CACNA2D4: variants seen among roughly 807,000 people sequenced by gnomAD.
The protein encoded by CACNA2D4 is calcium voltage-gated channel auxiliary subunit alpha2delta 4, also known as voltage-dependent calcium channel subunit alpha-2/delta-4.
CACNA2D4 carries 157 observed loss-of-function variants against 163.8 expected under a neutral mutation model. The observed-to-expected ratio is 0.96, with a 90% confidence interval of 0.84 to 1.09. CACNA2D4 has a LOEUF of 1.09. Among genes scored for constraint, CACNA2D4 ranks in the 50% least tolerant of loss-of-function variants. The pLI, the probability that CACNA2D4 is intolerant of heterozygous loss-of-function variation, is 0.00. For missense variants in CACNA2D4, 1,410 were observed against 1,479.9 expected, an observed-to-expected ratio of 0.95 and a Z score of 0.78; for synonymous variants, 598 against 586.9, an observed-to-expected ratio of 1.02 and a Z score of -0.27.
At chr12:1,898,528 C>G (rs945705349) in intron 6 of CACNA2D4, among the ~76,000 whole-genome samples, 1 of 152,052 alleles carries the variant, frequency 6.6e-6, no homozygotes, top group Admixed American at 6.6e-5. Context: ...CCATGAGATA[C>G]TACCTCACAC....
chr12:1,915,204 C>T, intron 1 of CACNA2D4: 1 of 702,704 alleles, frequency 1.4e-6, no homozygotes. Context: ...TGTCCCTCCT[C>T]CTTGTCCCTA....
Position 1,800,021 on chromosome 12 carries a change from AG to A in CACNA2D4, c.2952del (p.Trp985GlyfsTer70). 1 of 1,604,946 alleles carries A rather than the reference AG, an allele frequency of 6.2e-7. No homozygotes were observed. Among genetic ancestry groups the A allele is most frequent in the Non-Finnish European group, 8.5e-7 (1 of 1,175,994 alleles). On this transcript the variant is annotated frameshift_variant, in exon 33 of 38. Coordinates refer to ENST00000382722, the MANE Select transcript of CACNA2D4 (RefSeq NM_172364.5). LOFTEE classifies it high-confidence loss of function. The part of the protein sequence containing the change: ...LFLLEWSVWG[S>X]WYDRGAEAKS... ...TCACCCTCGGCCCCTCTGTCGTACC[AG>A]GAGCCCCAGACACTCCACTCCAGCA...
In CACNA2D4 at chr12:1,913,029, C is replaced by T. The variant is rs182825786; in HGVS notation, c.420G>A (p.Ala140=). ...GATCACAGGCCTGGAGTACCTGGAC[C>T]GCCTCGACTTTCCTCCGCAGCATGT... is the stretch of plus-strand genomic sequence containing the variant. ...MENMLRRKVE[A]VQNLVEAAEE... Residue 140 remains alanine (A), a synonymous_variant, in exon 3 of 38, where the codon GCG becomes GCA. Transcript: ENST00000382722. 7 of 1,609,790 alleles carry T rather than the reference C, an allele frequency of 4.3e-6. No homozygotes were observed. The East Asian group carries it at 6.7e-5, about 15-fold the overall frequency.
At chr12:1,864,540 T>G (rs1865598062) in intron 18 of CACNA2D4, among the ~76,000 whole-genome samples, 1 of 152,202 alleles carries the variant, frequency 6.6e-6, no homozygotes, top group Admixed American at 6.5e-5. Context: ...CCCAGGGGGA[T>G]GAACAGAGAC....
chr12:1,847,598 A>G (rs1475562128), intron 23 of CACNA2D4, among the ~76,000 whole-genome samples: 3 of 152,202 alleles, frequency 2.0e-5, no homozygotes, highest in Non-Finnish European at 4.4e-5. Flanking sequence ...CGAGCTGCAC[A>G]GAGCCCTGCC....
intron 29 of CACNA2D4, among the ~76,000 whole-genome samples, chr12:1,804,256 T>TATTA (rs776500250): frequency 6.6e-6 from 1 of 152,022 alleles, no homozygotes; most frequent in Non-Finnish European, 1.5e-5. Flanking sequence ...TGTTCACAGT[T>TATTA]ATTATTCCAT....
In CACNA2D4 at chr12:1,811,741, A is replaced by C; in HGVS notation, c.2552-18T>G. 1.3e-6 allele frequency: 2 copies of C among 1,557,866 alleles called. No individual in the cohort carries two copies. The highest frequency in any genetic ancestry group is 1.7e-6 in the Non-Finnish European group (2 of 1,150,202). On this transcript the variant is annotated intron_variant, in intron 26 of 37. Transcript: ENST00000382722. Reference sequence around the variant, plus strand: ...GCCCGCGGCTACAGGGCAGAAAGAGAGAGGGCAAGGCCAGGGAAGAGACGG... The same window carrying C: ...GCCCGCGGCTACAGGGCAGAAAGAGCGAGGGCAAGGCCAGGGAAGAGACGG...
intron 6 of CACNA2D4, among the ~76,000 whole-genome samples, chr12:1,905,337 A>G (rs987022144): frequency 5.3e-5 from 8 of 152,160 alleles, no homozygotes; most frequent in Admixed American, 4.6e-4. Context: ...TCTACTCAAC[A>G]TAATATTGGA....
intron 26 of CACNA2D4, among the ~76,000 whole-genome samples, chr12:1,812,998 G>C (rs78079456): frequency 0.03 from 4,537 of 152,268 alleles, 93 homozygotes; most frequent in Middle Eastern, 0.086. Flanking sequence ...ACTCTGGAAT[G>C]ATCTTAGAGA....
intron 1 of CACNA2D4, among the ~76,000 whole-genome samples, chr12:1,915,577 G>A (rs562862585): frequency 6.6e-6 from 1 of 152,376 alleles, no homozygotes; most frequent in Admixed American, 6.5e-5. Context: ...GAGAACGCGT[G>A]AGGCAAGGGC....
Position 1,850,732 on chromosome 12 carries a change from G to A in CACNA2D4, c.2246+3219C>T, listed in dbSNP as rs968534516. On this transcript the variant is annotated intron_variant, in intron 23 of 37. Transcript: ENST00000382722. ...ATCCTGGCTAACATGGTGAAACCCC[G>A]TCTCTACTAAAAATACAAAAAAATA... is the stretch of plus-strand genomic sequence containing the variant. Among the ~76,000 whole-genome samples the A allele has an allele frequency of 2.4e-4, 37 of 152,070 alleles. 1 individual carries two copies. Among genetic ancestry groups the A allele is most frequent in the South Asian group, 2.1e-4 (1 of 4,806 alleles).
intron 26 of CACNA2D4, among the ~76,000 whole-genome samples, chr12:1,817,986 T>C (rs1863937822): frequency 2.0e-5 from 3 of 148,772 alleles, no homozygotes; most frequent in Non-Finnish European, 4.4e-5. Flanking sequence ...GGCTGCCCAG[T>C]CTGGGAAGTG....
intron 20 of CACNA2D4, among the ~76,000 whole-genome samples, chr12:1,857,449 C>T (rs1865424459): frequency 6.6e-6 from 1 of 152,158 alleles, no homozygotes; most frequent in Non-Finnish European, 1.5e-5. Flanking sequence ...AGAAAGGAGT[C>T]AGGGAGAACA....
intron 26 of CACNA2D4, among the ~76,000 whole-genome samples, chr12:1,837,945 G>C (rs1257176574): frequency 6.6e-6 from 1 of 152,206 alleles, no homozygotes; most frequent in Admixed American, 6.5e-5. Context: ...TCTCAGGAGG[G>C]GAGAACTCTT....
rs1864496125 is a variant in CACNA2D4 at position 1,829,009 on chromosome 12, A to G, written c.2551+11730T>C. 6.6e-6 allele frequency among the ~76,000 whole-genome samples: 1 copy of G among 152,194 alleles called. No homozygotes were observed. Among genetic ancestry groups the G allele is most frequent in the Non-Finnish European group, 1.5e-5 (1 of 68,016 alleles). On this transcript the variant is annotated intron_variant, in intron 26 of 37. Transcript: ENST00000382722. This position sits in a 1 kb window ranked among gnomAD's most constrained non-coding sequence, Gnocchi z 4.2. ...ACTTCCCGCTCTGATCCAGCACCCA[A>G]CACGGGCAGCCTGAATTATTCACCA...
chr12:1,795,735 C>T lies in CACNA2D4; in HGVS notation c.3159G>A (p.Leu1053=), dbSNP rs577473531. ...TGCAGTCACAGGTGGGGTCTGTCAC[C>T]AGGAGGAGGAGGTTACTGTTGGGAA... The part of the protein sequence containing the change: ...QQIPNSNLLL[L]VTDPTCDCSI... Residue 1053 remains leucine (L), a synonymous_variant, in exon 36 of 38, where the codon CTG becomes CTA. Coordinates refer to ENST00000382722, the MANE Select transcript of CACNA2D4 (RefSeq NM_172364.5). 6.2e-7 allele frequency: 1 copy of T among 1,613,692 alleles called. No individual in the cohort carries two copies. Among genetic ancestry groups the T allele is most frequent in the South Asian group, 1.1e-5 (1 of 91,068 alleles).
At chr12:1,870,702 A>G (rs1865751628) in intron 18 of CACNA2D4, among the ~76,000 whole-genome samples, 1 of 151,944 alleles carries the variant, frequency 6.6e-6, no homozygotes, top group Non-Finnish European at 1.5e-5. Context: ...TACTCAAATG[A>G]ACTTTGAGAT....
intron 25 of CACNA2D4, 52 bp from the exon 26 acceptor site, chr12:1,840,871 G>A: frequency 1.3e-6 from 2 of 1,485,612 alleles, no homozygotes; most frequent in Non-Finnish European, 1.9e-6. Context: ...GTTGGGGCAG[G>A]TGGAGCGCTA....
rs1336100245 is a variant in CACNA2D4 at position 1,844,652 on chromosome 12, C to T, written c.2343-123G>A. On this transcript the variant is annotated intron_variant, in intron 24 of 37. Coordinates refer to ENST00000382722, the MANE Select transcript of CACNA2D4 (RefSeq NM_172364.5). This position sits in a 1 kb window ranked among gnomAD's most constrained non-coding sequence, Gnocchi z 4.2. ...AGTGATTTTAGCCCCTAAATTAGTA[C>T]GGCCCCAGACAATGCTTCCCAGCAA... 40 of 959,296 alleles carry T rather than the reference C, an allele frequency of 4.2e-5. No homozygotes were observed. The highest frequency in any genetic ancestry group is 5.5e-5 in the Admixed American group (2 of 36,152). 59.4% of individuals were successfully genotyped at this position (959,296 alleles called of 1,614,324 possible).
Sources: gnomAD v4.1 joint callset for allele counts (sites outside exome capture counted in the v4.1 genomes callset) on GRCh38, gnomAD v4.1.1 for gene constraint, Gnocchi (gnomAD v3.1) non-coding constraint, MANE v1.5 for transcripts, NCBI Gene and HGNC (gene_info 2026-07-23, HGNC 2026-07-21) for gene names.